Variants in WARS2 observed in about 807,000 individuals in gnomAD.
WARS2 encodes the protein tryptophanyl tRNA synthetase 2, mitochondrial.
WARS2 carries 28 observed loss-of-function variants against 36.5 expected under a neutral mutation model. The ratio of observed to expected loss-of-function variants is 0.77; its 90% CI spans 0.57 to 1.05. The LOEUF (loss-of-function observed/expected upper bound fraction) is 1.05, where lower values mean the gene tolerates loss of function less well. Ranked by LOEUF, WARS2 falls within the 50% of genes least tolerant of loss-of-function variation. WARS2 has a pLI of 0.00. For synonymous variants in WARS2, 174 were observed against 178.4 expected (o/e 0.98, Z 0.20); for missense variants, 435 against 456.8 (o/e 0.95, Z 0.44).
At chr1:119,085,198 T>G in intron 1 of WARS2, 1 of 820,564 alleles carries the variant, frequency 1.2e-6, no homozygotes, top group Non-Finnish European at 2.2e-6. Flanking sequence ...CTTGCCTCCC[T>G]CCTGCTTGAG....
chr1:119,033,496 A>G, intron 5 of WARS2, 137 bp from the exon 6 acceptor site: 1 of 1,054,050 alleles, frequency 9.5e-7, no homozygotes, highest in Non-Finnish European at 1.4e-6. Flanking sequence ...TGCAAATGTG[A>G]TATCCATTCA....
chr1:119,101,976 C>T (rs1653899023), intron 1 of WARS2, among the ~76,000 whole-genome samples: 1 of 144,516 alleles, frequency 6.9e-6, no homozygotes, highest in Non-Finnish European at 1.5e-5. Context: ...TTATTAAGTC[C>T]TATTTACAAA....
At chr1:119,084,310 C>G (rs1168259700) in intron 1 of WARS2, among the ~76,000 whole-genome samples, 1 of 151,812 alleles carries the variant, frequency 6.6e-6, no homozygotes, top group African/African-American at 2.4e-5. Flanking sequence ...TTAATGGGTA[C>G]AGGGTTTCAT....
intron 1 of WARS2, among the ~76,000 whole-genome samples, chr1:119,112,499 G>GT (rs1304677856): frequency 6.6e-6 from 1 of 152,182 alleles, no homozygotes; most frequent in African/African-American, 2.4e-5. Context: ...TCAGCAGAGA[G>GT]TAAATGCAGA....
intron 5 of WARS2, 144 bp downstream of exon 5, chr1:119,033,951 A>G (rs561306512): frequency 3.3e-6 from 2 of 597,050 alleles, no homozygotes; most frequent in Admixed American, 6.1e-5. Context: ...ACACTAGAGA[A>G]AACAATGAGG....
At chr1:119,090,396 G>C (rs1470173521) in intron 1 of WARS2, among the ~76,000 whole-genome samples, 2 of 152,086 alleles carry the variant, frequency 1.3e-5, no homozygotes, top group African/African-American at 2.4e-5. Flanking sequence ...AGGAATGACA[G>C]TACTCCCCTG....
chr1:119,115,603 A>G (rs1008258507), intron 1 of WARS2, among the ~76,000 whole-genome samples: 10 of 152,218 alleles, frequency 6.6e-5, no homozygotes, highest in African/African-American at 2.4e-4. Context: ...ATGGATGTGA[A>G]GGCTGGCTCC....
At chr1:119,126,760 T>C (rs986073946) in intron 1 of WARS2, 1 of 737,812 alleles carries the variant, frequency 1.4e-6, no homozygotes, top group African/African-American at 1.7e-5. Context: ...TTTCCAATAC[T>C]GTCTGGAATC....
intron 2 of WARS2, chr1:119,064,830 C>T (rs34590381): frequency 0.056 from 8,395 of 151,092 alleles, 251 homozygotes; most frequent in South Asian, 0.08. Flanking sequence ...CAGACTAATA[C>T]AATGATGTAC....
At chr1:119,109,929 G>A (rs1654516050) in intron 1 of WARS2, among the ~76,000 whole-genome samples, 1 of 151,314 alleles carries the variant, frequency 6.6e-6, no homozygotes, top group African/African-American at 2.4e-5. Context: ...GATTGCCCTA[G>A]ACTTTGCACC....
chr1:119,056,885 G>T (rs988346367), intron 2 of WARS2, among the ~76,000 whole-genome samples: 9 of 152,076 alleles, frequency 5.9e-5, no homozygotes, highest in Non-Finnish European at 1.2e-4. Flanking sequence ...AGTCTTTTGG[G>T]TAAATACCTA....
chr1:119,092,569 T>C (rs1653120282), intron 1 of WARS2, among the ~76,000 whole-genome samples: 1 of 152,178 alleles, frequency 6.6e-6, no homozygotes, highest in Admixed American at 6.6e-5. Flanking sequence ...TGGCTAATGA[T>C]ACAACCATCT....
chr1:119,083,693 A>G (rs1652385487), intron 1 of WARS2, among the ~76,000 whole-genome samples: 1 of 152,208 alleles, frequency 6.6e-6, no homozygotes, highest in Non-Finnish European at 1.5e-5. Context: ...CAGCTAATCT[A>G]TATTTAAATG....
chr1:119,044,921 G>A (rs989133338), intron 3 of WARS2, among the ~76,000 whole-genome samples: 2 of 152,186 alleles, frequency 1.3e-5, no homozygotes, highest in African/African-American at 4.8e-5. Context: ...TGTAGCATGT[G>A]TGAAGGCTTC....
chr1:119,101,348 G>A (rs1398693916), intron 1 of WARS2, among the ~76,000 whole-genome samples: 1 of 151,830 alleles, frequency 6.6e-6, no homozygotes, highest in African/African-American at 2.4e-5. Flanking sequence ...CAATATAAGA[G>A]TCATGTTACT....
chr1:119,058,041 G>A (rs540721735), intron 2 of WARS2, among the ~76,000 whole-genome samples: 1 of 152,142 alleles, frequency 6.6e-6, no homozygotes, highest in African/African-American at 2.4e-5. Flanking sequence ...TATCCTAAAG[G>A]CCTGGAAAAT....
Position 119,033,175 on chromosome 1 carries a change from G to A in WARS2, c.819C>T (p.Ser273=). The change falls in exon 6 of 6, where the codon TCC becomes TCT. Residue 273 remains serine, a synonymous_variant. Transcript: ENST00000235521. ...TYDPAGRAGV[S]NIVAVHAAVT... ...CCGCGGCATGCACCGCCACTATGTT[G>A]GACACGCCAGCGCGGCCAGCCGGGT... The A allele has an allele frequency of 2.5e-6, 4 of 1,614,182 alleles. No individual in the cohort carries two copies. The highest frequency in any genetic ancestry group is 3.4e-6 in the Non-Finnish European group (4 of 1,180,046).
At chr1:119,111,490 C>G (rs1238704470) in intron 1 of WARS2, among the ~76,000 whole-genome samples, 1 of 152,180 alleles carries the variant, frequency 6.6e-6, no homozygotes, top group Non-Finnish European at 1.5e-5. Context: ...GTAGATTAGT[C>G]TCTGGTAAAA....
At chr1:119,050,507 T>C (rs1351159258) in intron 2 of WARS2, among the ~76,000 whole-genome samples, 3 of 152,190 alleles carry the variant, frequency 2.0e-5, no homozygotes, top group East Asian at 1.9e-4. Flanking sequence ...CATGCTATAG[T>C]ACCTAGGGCA....
Sources: gnomAD v4.1 joint callset for allele counts (sites outside exome capture counted in the v4.1 genomes callset) on GRCh38, gnomAD v4.1.1 for gene constraint, MANE v1.5 for transcripts, NCBI Gene and HGNC (gene_info 2026-07-23, HGNC 2026-07-21) for gene names.